Variants in CNTNAP2 observed in about 807,000 individuals in gnomAD.
CNTNAP2 encodes contactin associated protein 2.
A neutral mutation model predicts 155.2 loss-of-function variants in CNTNAP2; 98 were observed. The observed-to-expected ratio is 0.63, with a 90% CI of 0.54 to 0.75. The LOEUF is 0.75. Among genes scored for constraint, CNTNAP2 ranks in the 30% least tolerant of loss-of-function variants. The pLI is 0.00. For synonymous variants in CNTNAP2, 651 were observed against 631.2 expected (o/e 1.03, Z -0.47); for missense variants, 1,727 against 1,688.1 (o/e 1.02, Z -0.40).
At chr7:147,194,438 T>A (rs1187732908) in intron 8 of CNTNAP2, among the ~76,000 whole-genome samples, 1 of 152,176 alleles carries the variant, frequency 6.6e-6, no homozygotes, top group Admixed American at 6.5e-5. Context: ...TTCTTTTGGG[T>A]ATATACAAAG....
intron 15 of CNTNAP2, among the ~76,000 whole-genome samples, chr7:148,058,978 A>G (rs1015517382): frequency 6.6e-6 from 1 of 152,004 alleles, no homozygotes; most frequent in Non-Finnish European, 1.5e-5. Flanking sequence ...GTGTCACTTT[A>G]TGAAAATTCA....
chr7:147,151,515 A>G (rs1310057147), intron 8 of CNTNAP2, among the ~76,000 whole-genome samples: 1 of 152,190 alleles, frequency 6.6e-6, no homozygotes, highest in East Asian at 1.9e-4. Flanking sequence ...AATAACTTAA[A>G]GATGACAATG....
chr7:147,676,629 G>A (rs114859492), intron 13 of CNTNAP2, among the ~76,000 whole-genome samples: 212 of 151,854 alleles, frequency 1.4e-3, no homozygotes, highest in African/African-American at 4.3e-3. Context: ...TTGAAATTTC[G>A]TATTCTTTGA....
chr7:146,649,840 G>C (rs188418133), intron 1 of CNTNAP2, among the ~76,000 whole-genome samples: 32 of 151,946 alleles, frequency 2.1e-4, no homozygotes, highest in Non-Finnish European at 4.0e-4. Context: ...ACATCTTAAA[G>C]AGAAATATAC....
At chr7:147,834,419 G>A (rs1385935089) in intron 13 of CNTNAP2, among the ~76,000 whole-genome samples, 1 of 152,164 alleles carries the variant, frequency 6.6e-6, no homozygotes, top group Non-Finnish European at 1.5e-5. Flanking sequence ...GGGGTCTATG[G>A]AGGAAGCCAT....
intron 14 of CNTNAP2, among the ~76,000 whole-genome samples, chr7:147,913,272 A>G (rs1376835759): frequency 6.6e-6 from 1 of 152,192 alleles, no homozygotes; most frequent in Non-Finnish European, 1.5e-5. Context: ...ATTCAACAGA[A>G]AAATCACTTC....
chr7:148,379,634 G>T (rs1332789748), intron 21 of CNTNAP2, among the ~76,000 whole-genome samples: 1 of 152,204 alleles, frequency 6.6e-6, no homozygotes, highest in Non-Finnish European at 1.5e-5. Context: ...GATTGCTTGA[G>T]CCCGGGAGGT....
At chr7:147,214,510 A>G (rs1803225257) in intron 8 of CNTNAP2, among the ~76,000 whole-genome samples, 1 of 152,158 alleles carries the variant, frequency 6.6e-6, no homozygotes, top group South Asian at 2.1e-4. Context: ...ATGGCCTGTA[A>G]GTACTTAATG....
chr7:146,270,725 G>C (rs953644359), intron 1 of CNTNAP2, among the ~76,000 whole-genome samples: 1 of 151,936 alleles, frequency 6.6e-6, no homozygotes, highest in Admixed American at 6.6e-5. Context: ...TCTTAAAAAA[G>C]CACATCAGCT....
chr7:146,947,214 A>G (rs1164177020), intron 3 of CNTNAP2, among the ~76,000 whole-genome samples: 1 of 150,566 alleles, frequency 6.6e-6, no homozygotes, highest in African/African-American at 2.4e-5. Flanking sequence ...TGAAGTTAGA[A>G]AAAAAAAAGT....
chr7:146,433,345 C>T (rs1428286512), intron 1 of CNTNAP2, among the ~76,000 whole-genome samples: 1 of 152,054 alleles, frequency 6.6e-6, no homozygotes, highest in Non-Finnish European at 1.5e-5. Context: ...AACGCGATTT[C>T]AGTGACTCTT....
At chr7:147,181,912 G>A (rs150563795) in intron 8 of CNTNAP2, among the ~76,000 whole-genome samples, 6,719 of 152,014 alleles carry the variant, frequency 0.044, 182 homozygotes, top group African/African-American at 0.078. Flanking sequence ...GGATCACTAG[G>A]TCAGTAGTTC....
intron 1 of CNTNAP2, among the ~76,000 whole-genome samples, chr7:146,281,355 CTGA>C (rs1454896724): frequency 1.1e-4 from 16 of 152,122 alleles, no homozygotes; most frequent in Admixed American, 1.0e-3. Context: ...CATCGGCAAG[CTGA>C]TGAGGTAAAG....
At chr7:147,203,153 C>A (rs549817042) in intron 8 of CNTNAP2, among the ~76,000 whole-genome samples, 1 of 152,206 alleles carries the variant, frequency 6.6e-6, no homozygotes. Flanking sequence ...AAATTATTTA[C>A]ATTGACACAA....
At chr7:148,152,881 T>C (rs1272059907) in intron 17 of CNTNAP2, among the ~76,000 whole-genome samples, 25 of 151,204 alleles carry the variant, frequency 1.7e-4, no homozygotes, top group Non-Finnish European at 3.0e-4. Flanking sequence ...ATTAGCCAGG[T>C]GTAGTGGCAG....
In CNTNAP2 at chr7:148,366,004, G is replaced by A. The variant is rs190293325; in HGVS notation, c.3476-17645G>A. Among the ~76,000 whole-genome samples, 6 of 748 alleles carry A rather than the reference G, an allele frequency of 8.0e-3. 3 individuals are homozygous for A. Among genetic ancestry groups the A allele is most frequent in the Non-Finnish European group, 0.2 (2 of 10 alleles). The allele number at this position is 748 out of a possible 152,430, so 0.5% of individuals were successfully genotyped here. A position where few individuals can be genotyped will look rare whatever the true frequency, so the allele number is the denominator to read the frequency against. ...TGTATACATGTGTGTATGCATGTAT[G>A]CATGTGTGTATGCATGTATGCATGT... is the stretch of plus-strand genomic sequence containing the variant. On this transcript the variant is annotated intron_variant, in intron 21 of 23. Coordinates refer to ENST00000361727, the MANE Select transcript of CNTNAP2 (RefSeq NM_014141.6).
At chr7:146,288,297 CAAA>C (rs570614933) in intron 1 of CNTNAP2, among the ~76,000 whole-genome samples, 28 of 91,220 alleles carry the variant, frequency 3.1e-4, no homozygotes, top group African/African-American at 3.6e-4. Context: ...GATCCTGCCT[CAAA>C]AAAAAAAAAA....
intron 17 of CNTNAP2, among the ~76,000 whole-genome samples, chr7:148,168,471 CA>C (rs974513704): frequency 8.7e-5 from 13 of 149,170 alleles, no homozygotes; most frequent in African/African-American, 3.2e-4. Context: ...GACGAAAAAC[CA>C]AACACCGCAT....
intron 17 of CNTNAP2, among the ~76,000 whole-genome samples, chr7:148,160,609 G>C (rs1224518266): frequency 6.6e-6 from 1 of 151,998 alleles, no homozygotes; most frequent in African/African-American, 2.4e-5. Flanking sequence ...ATTTTGACTT[G>C]GCAGTGAAAA....
Sources: allele counts gnomAD v4.1 joint callset (sites outside exome capture counted in the v4.1 genomes callset), GRCh38; gene constraint gnomAD v4.1.1; transcripts MANE v1.5; gene names NCBI Gene and HGNC (gene_info 2026-07-23, HGNC 2026-07-21).